Variants in ZDHHC11 observed in about 807,000 individuals in gnomAD.
ZDHHC11 encodes the protein palmitoyltransferase ZDHHC11.
A neutral mutation model predicts 51.3 loss-of-function variants in ZDHHC11; 44 were observed. The observed-to-expected ratio is 0.86, with a 90% CI of 0.67 to 1.10. ZDHHC11 has a LOEUF of 1.10. Ranked by LOEUF, ZDHHC11 falls within the 50% of genes least tolerant of loss-of-function variation. ZDHHC11 has a pLI of 0.00. For missense variants in ZDHHC11, 400 were observed against 537.7 expected, an observed-to-expected ratio of 0.74 and a Z score of 2.53; for synonymous variants, 163 against 222.0, an observed-to-expected ratio of 0.73 and a Z score of 2.36.
chr5:846,606 C>G (rs1233799656), intron 3 of ZDHHC11, among the ~76,000 whole-genome samples: 6 of 120,916 alleles, frequency 5.0e-5, no homozygotes, highest in African/African-American at 2.5e-4. Flanking sequence ...CCTCCACCAT[C>G]CTCAGTGGAA....
chr5:816,379 C>T (rs1400059253), intron 10 of ZDHHC11: 3 of 355,666 alleles, frequency 8.4e-6, no homozygotes, highest in Non-Finnish European at 1.6e-5. Flanking sequence ...GGGAGGGGGG[C>T]GGTAGCGCAG....
chr5:803,564 T>C (rs912440707), intron 11 of ZDHHC11, among the ~76,000 whole-genome samples: 9 of 151,218 alleles, frequency 6.0e-5, no homozygotes, highest in African/African-American at 2.2e-4. Context: ...ATACACAGAA[T>C]GTCCAGTTTT....
chr5:842,018 G>A (rs574663558), intron 4 of ZDHHC11: 309 of 988,018 alleles, frequency 3.1e-4, no homozygotes, highest in Non-Finnish European at 3.5e-4. Flanking sequence ...GTGACATCAC[G>A]ATGAGTTCAG....
chr5:811,633 G>A (rs568307561), intron 11 of ZDHHC11, among the ~76,000 whole-genome samples: 1 of 148,076 alleles, frequency 6.8e-6, no homozygotes, highest in Non-Finnish European at 1.5e-5. Context: ...ACTGACTTCT[G>A]GGTCCTTATT....
At chr5:805,834 T>C (rs545399790) in intron 11 of ZDHHC11, among the ~76,000 whole-genome samples, 2 of 151,234 alleles carry the variant, frequency 1.3e-5, no homozygotes, top group East Asian at 1.9e-4. Flanking sequence ...TACTGAGTAA[T>C]AGAGAAGCTC....
At chr5:819,458 G>A (rs1741274360) in intron 10 of ZDHHC11, 67 bp downstream of exon 10, 2 of 1,533,112 alleles carry the variant, frequency 1.3e-6, no homozygotes, top group Non-Finnish European at 1.8e-6. Flanking sequence ...TCAGCTTGGG[G>A]GACCTCAGAC....
chr5:834,662 T>C (rs1380216635), intron 6 of ZDHHC11, among the ~76,000 whole-genome samples: 2 of 152,310 alleles, frequency 1.3e-5, no homozygotes. Context: ...ATTGCTTTAC[T>C]GCACTTCACA....
At chr5:827,421 T>C (rs2150351443) in intron 7 of ZDHHC11, among the ~76,000 whole-genome samples, 1 of 151,484 alleles carries the variant, frequency 6.6e-6, no homozygotes, top group Admixed American at 6.6e-5. Flanking sequence ...AAGCACCTTC[T>C]AAAAAATACA....
chr5:799,768 C>T (rs1738146617), intron 12 of ZDHHC11, among the ~76,000 whole-genome samples: 1 of 151,658 alleles, frequency 6.6e-6, no homozygotes, highest in Admixed American at 6.6e-5. Context: ...ACCACTGAGA[C>T]AATTTTTTAC....
intron 11 of ZDHHC11, among the ~76,000 whole-genome samples, chr5:809,609 A>T (rs1739828200): frequency 1.4e-5 from 2 of 142,278 alleles, no homozygotes; most frequent in African/African-American, 5.3e-5. Context: ...CAACCAGAGG[A>T]GGCCGTCGGA....
At chr5:821,107 A>C (rs1305853914) in intron 9 of ZDHHC11, 1 of 151,544 alleles carries the variant, frequency 6.6e-6, no homozygotes, top group African/African-American at 2.4e-5. Context: ...ATCAAAATGT[A>C]AAGGAAGCAA....
upstream of ZDHHC11, among the ~76,000 whole-genome samples, chr5:859,743 G>A (rs1435322149): frequency 6.6e-6 from 1 of 152,186 alleles, no homozygotes; most frequent in Non-Finnish European, 1.5e-5. Context: ...TGACAAGGAA[G>A]GGTTTCTCCT....
At chr5:824,020 G>A (rs1424968306) in intron 8 of ZDHHC11, 2 of 454,228 alleles carry the variant, frequency 4.4e-6, no homozygotes, top group Admixed American at 4.7e-5. Context: ...CCTCCAGGCT[G>A]GGCTGATCCC....
At chr5:840,802 C>T in intron 4 of ZDHHC11, 152 bp from the exon 5 acceptor site, 2 of 1,517,442 alleles carry the variant, frequency 1.3e-6, no homozygotes, top group East Asian at 2.3e-5. Flanking sequence ...GCCTCCCTTA[C>T]CTGAGTGCCC....
intron 10 of ZDHHC11, among the ~76,000 whole-genome samples, chr5:817,864 G>T (rs1413744264): frequency 2.0e-5 from 3 of 151,242 alleles, no homozygotes; most frequent in Non-Finnish European, 3.0e-5. Context: ...TCGAGTCAGG[G>T]TGTCTTCTAT....
At chr5:823,026 A>T (rs1194943503) in intron 8 of ZDHHC11, among the ~76,000 whole-genome samples, 10 of 149,290 alleles carry the variant, frequency 6.7e-5, no homozygotes, top group African/African-American at 2.5e-4. Context: ...ATGGTTCTTT[A>T]AATATTCTGG....
intron 3 of ZDHHC11, among the ~76,000 whole-genome samples, chr5:847,268 G>A (rs1746391422): frequency 1.3e-5 from 2 of 151,672 alleles, no homozygotes; most frequent in South Asian, 4.2e-4. Context: ...CCCCGCAAGT[G>A]CCCCCGGGGG....
chr5:850,721 A>G lies in ZDHHC11; in HGVS notation c.-119T>C, dbSNP rs1747076632. On this transcript the variant is annotated 5_prime_UTR_variant, in exon 1 of 13. Coordinates refer to ENST00000283441, the MANE Select transcript of ZDHHC11 (RefSeq NM_024786.3). Reference sequence around the variant, plus strand: ...GCCGCCAGGACCAGCACTGACAGCCAATGGCCCAGCACTGCCTGGGGCCAC... The same window carrying G: ...GCCGCCAGGACCAGCACTGACAGCCGATGGCCCAGCACTGCCTGGGGCCAC... 3.1e-6 allele frequency: 4 copies of G among 1,281,370 alleles called. No homozygotes were observed. The Admixed American group carries it at 8.5e-5, about 27-fold the overall frequency. 79.4% of individuals were successfully genotyped at this position (1,281,370 alleles called of 1,614,324 possible). A position where few individuals can be genotyped will look rare whatever the true frequency, so the allele number is the denominator to read the frequency against.
At chr5:820,531 G>A (rs1167952773) in intron 9 of ZDHHC11, among the ~76,000 whole-genome samples, 1 of 151,376 alleles carries the variant, frequency 6.6e-6, no homozygotes, top group Non-Finnish European at 1.5e-5. Flanking sequence ...GGAAGCTGTG[G>A]GCTGAGCCCC....
Sources: gnomAD v4.1 joint callset for allele counts (sites outside exome capture counted in the v4.1 genomes callset) on GRCh38, gnomAD v4.1.1 for gene constraint, MANE v1.5 for transcripts, NCBI Gene and HGNC (gene_info 2026-07-23, HGNC 2026-07-21) for gene names.